NAALADL2: variants seen among roughly 807,000 people sequenced by gnomAD.
NAALADL2 encodes inactive N-acetylated-alpha-linked acidic dipeptidase-like protein 2.
A neutral mutation model predicts 87.2 loss-of-function variants in NAALADL2; 76 were observed. The ratio of observed to expected loss-of-function variants is 0.87; its 90% CI spans 0.72 to 1.05. The LOEUF is 1.05. Among genes scored for constraint, NAALADL2 ranks in the 50% least tolerant of loss-of-function variants. The pLI is 0.00. For synonymous variants in NAALADL2, 354 were observed against 331.0 expected, an observed-to-expected ratio of 1.07 and a Z score of -0.75; for missense variants, 1,089 against 945.8, an observed-to-expected ratio of 1.15 and a Z score of -1.99.
intron 2 of NAALADL2, among the ~76,000 whole-genome samples, chr3:175,113,562 T>G (rs1459119391): frequency 6.6e-6 from 1 of 151,534 alleles, no homozygotes; most frequent in Non-Finnish European, 1.5e-5. Flanking sequence ...GTTTCTTGGA[T>G]AGTTGCAGGA....
chr3:175,224,604 A>T (rs1581003015), intron 2 of NAALADL2, among the ~76,000 whole-genome samples: 6 of 152,244 alleles, frequency 3.9e-5, no homozygotes, highest in Middle Eastern at 6.8e-3. Flanking sequence ...ACTTTTGCTG[A>T]AAGTCTGCTC....
intron 5 of NAALADL2, among the ~76,000 whole-genome samples, chr3:175,390,329 A>G (rs542484603): frequency 6.6e-6 from 1 of 152,314 alleles, no homozygotes; most frequent in East Asian, 1.9e-4. Context: ...TGGCCATTCT[A>G]TAGAAAATCA....
At chr3:175,191,152 A>T (rs993136758) in intron 2 of NAALADL2, among the ~76,000 whole-genome samples, 1 of 152,170 alleles carries the variant, frequency 6.6e-6, no homozygotes, top group Non-Finnish European at 1.5e-5. Context: ...GGGAGGGCTA[A>T]CTATGTGAGA....
intron 1 of NAALADL2, among the ~76,000 whole-genome samples, chr3:175,079,984 G>C (rs1295816531): frequency 5.5e-5 from 7 of 127,066 alleles, no homozygotes; most frequent in Non-Finnish European, 7.9e-5. Flanking sequence ...TTTTTTTTTT[G>C]AGATGGAGTC....
chr3:175,288,266 T>C (rs1755225897), intron 4 of NAALADL2, among the ~76,000 whole-genome samples: 1 of 152,132 alleles, frequency 6.6e-6, no homozygotes, highest in Admixed American at 6.6e-5. Flanking sequence ...TCAGGGATGG[T>C]AACATTTTTG....
In NAALADL2 at chr3:175,127,643, T is replaced by C. The variant is rs564443766; in HGVS notation, c.545+30352T>C. ...GGAAATATTACTATTAAGTACTCTT[T>C]ACATTATTATATTTATGCTGACTAT... On this transcript the variant is annotated intron_variant, in intron 2 of 13. Coordinates refer to ENST00000454872, the MANE Select transcript of NAALADL2 (RefSeq NM_207015.3). Among the ~76,000 whole-genome samples the C allele has an allele frequency of 3.5e-5, 5 of 142,296 alleles. No individual in the cohort carries two copies. The East Asian group carries it at 1.0e-3, about 29-fold the overall frequency. 93.4% of individuals were successfully genotyped at this position (142,296 alleles called of 152,430 possible). A position where few individuals can be genotyped will look rare whatever the true frequency, so the allele number is the denominator to read the frequency against.
intron 1 of NAALADL2, among the ~76,000 whole-genome samples, chr3:174,529,241 G>C (rs1224293342): frequency 6.6e-6 from 1 of 152,148 alleles, no homozygotes; most frequent in Non-Finnish European, 1.5e-5. Context: ...AATCCACTGG[G>C]GCAACCAAAT....
chr3:174,907,271 A>G (rs1447221813), intron 1 of NAALADL2, among the ~76,000 whole-genome samples: 1 of 152,076 alleles, frequency 6.6e-6, no homozygotes, highest in African/African-American at 2.4e-5. Context: ...GATCTAAAAA[A>G]AGAAGAAGAA....
chr3:175,487,504 A>G (rs1344568584), intron 9 of NAALADL2: 2 of 456,494 alleles, frequency 4.4e-6, no homozygotes, highest in East Asian at 1.4e-4. Flanking sequence ...AACTAAGAGC[A>G]GATTTCTGTG....
intron 13 of NAALADL2, among the ~76,000 whole-genome samples, chr3:175,758,522 A>C (rs2150141571): frequency 6.6e-6 from 1 of 152,140 alleles, no homozygotes; most frequent in East Asian, 1.9e-4. Flanking sequence ...TCATTTATAA[A>C]ATACCTAAGA....
At chr3:175,105,227 T>C in intron 2 of NAALADL2, among the ~76,000 whole-genome samples, 1 of 152,106 alleles carries the variant, frequency 6.6e-6, no homozygotes, top group Admixed American at 6.6e-5. Flanking sequence ...TCCCATTTTG[T>C]TGGCATGAAT....
At chr3:174,762,306 A>G (rs1405932056) in intron 3 of NAALADL2, among the ~76,000 whole-genome samples, 1 of 149,832 alleles carries the variant, frequency 6.7e-6, no homozygotes, top group Non-Finnish European at 1.5e-5. Flanking sequence ...GGCACCCGCC[A>G]CCACGCCTGG....
intron 13 of NAALADL2, among the ~76,000 whole-genome samples, chr3:175,795,565 C>A (rs1055380063): frequency 6.6e-6 from 1 of 151,144 alleles, no homozygotes; most frequent in Non-Finnish European, 1.5e-5. Context: ...TGCCTGTAGT[C>A]CCAGCTACTC....
chr3:174,890,170 G>A (rs1471281870), intron 1 of NAALADL2, among the ~76,000 whole-genome samples: 2 of 144,390 alleles, frequency 1.4e-5, no homozygotes, highest in Non-Finnish European at 3.0e-5. Flanking sequence ...AATAGATTAT[G>A]TATAGTAATA....
At position 175,344,913 on chromosome 3, in the gene NAALADL2, C is replaced by T. The variant is rs76690448; in HGVS notation, c.1090+20588C>T. Among the ~76,000 whole-genome samples the T allele has an allele frequency of 7.3e-3, 1,115 of 152,062 alleles. 12 individuals are homozygous for T. The highest frequency in any genetic ancestry group is 0.024 in the African/African-American group (997 of 41,492). On this transcript the variant is annotated intron_variant, in intron 5 of 13. Transcript: ENST00000454872. ...ATGATGTACATATTTTTATTATTAT[C>T]GCTGTTATTAATCCCCACTTTACAG...
At chr3:175,390,870 A>G (rs1449835691) in intron 5 of NAALADL2, among the ~76,000 whole-genome samples, 1 of 152,136 alleles carries the variant, frequency 6.6e-6, no homozygotes, top group Non-Finnish European at 1.5e-5. Flanking sequence ...TTGAAGTGGT[A>G]TATTGTGGTA....
At chr3:174,991,695 A>G (rs1746775152) in intron 1 of NAALADL2, among the ~76,000 whole-genome samples, 1 of 152,092 alleles carries the variant, frequency 6.6e-6, no homozygotes, top group Non-Finnish European at 1.5e-5. Flanking sequence ...CCTTGAGAAT[A>G]TGGAACAGAA....
intron 2 of NAALADL2, among the ~76,000 whole-genome samples, chr3:174,714,408 T>C (rs1162564357): frequency 2.6e-5 from 4 of 152,164 alleles, no homozygotes; most frequent in Non-Finnish European, 5.9e-5. Context: ...GCCATTTTCA[T>C]GATTTTGATT....
At chr3:175,322,061 G>A (rs1442555343) in intron 4 of NAALADL2, among the ~76,000 whole-genome samples, 1 of 151,516 alleles carries the variant, frequency 6.6e-6, no homozygotes, top group African/African-American at 2.4e-5. Flanking sequence ...CAAAGCTGGA[G>A]GCATCACGCT....
Sources: gnomAD v4.1 joint callset for allele counts (sites outside exome capture counted in the v4.1 genomes callset) on GRCh38, gnomAD v4.1.1 for gene constraint, MANE v1.5 for transcripts, NCBI Gene and HGNC (gene_info 2026-07-23, HGNC 2026-07-21) for gene names.